Variants in ASH1L observed in about 807,000 individuals in gnomAD.
ASH1L encodes histone-lysine N-methyltransferase ASH1L.
Under a neutral mutation model 269.0 loss-of-function variants are expected in ASH1L, and 23 were observed. That is an observed-to-expected ratio of 0.09 (90% CI 0.06 to 0.12). The LOEUF (loss-of-function observed/expected upper bound fraction) is 0.12. ASH1L is among the 10% of genes least tolerant of loss of function. The pLI is 1.00. For missense variants in ASH1L, 2,912 were observed against 3,567.8 expected (o/e 0.82, Z 4.68); for synonymous variants, 1,187 against 1,253.5 (o/e 0.95, Z 1.12).
chr1:155,492,833 G>C (rs1454669118), intron 2 of ASH1L, among the ~76,000 whole-genome samples: 3 of 150,620 alleles, frequency 2.0e-5, no homozygotes, highest in African/African-American at 7.3e-5. Flanking sequence ...AATTCACCTT[G>C]TTTTTGTTTG....
chr1:155,370,280 A>C, intron 12 of ASH1L: 1 of 567,814 alleles, frequency 1.8e-6, no homozygotes, highest in Non-Finnish European at 3.1e-6. Flanking sequence ...AAACCAAAAA[A>C]GCAAAACAAA....
intron 24 of ASH1L, among the ~76,000 whole-genome samples, chr1:155,342,311 C>T (rs1652889353): frequency 6.6e-6 from 1 of 152,166 alleles, no homozygotes; most frequent in South Asian, 2.1e-4. Context: ...AGTAAATATA[C>T]AGCAGAATGG....
intron 2 of ASH1L, among the ~76,000 whole-genome samples, chr1:155,503,626 T>C (rs1296361514): frequency 6.6e-6 from 1 of 152,202 alleles, no homozygotes; most frequent in East Asian, 1.9e-4. Flanking sequence ...ACTAAAGCAT[T>C]AGTATGCATA....
intron 12 of ASH1L, among the ~76,000 whole-genome samples, chr1:155,360,984 T>C (rs1304891530): frequency 6.6e-6 from 1 of 151,980 alleles, no homozygotes; most frequent in Non-Finnish European, 1.5e-5. Context: ...CTCACGCCTG[T>C]AATCCCAGCA....
At chr1:155,372,224 C>G (rs953453439) in intron 10 of ASH1L, among the ~76,000 whole-genome samples, 4 of 149,836 alleles carry the variant, frequency 2.7e-5, no homozygotes, top group African/African-American at 9.8e-5. Flanking sequence ...ACTCCTGACC[C>G]CAAATGATCC....
At chr1:155,524,521 CAA>C (rs749990170) in intron 1 of ASH1L, among the ~76,000 whole-genome samples, 18 of 57,262 alleles carry the variant, frequency 3.1e-4, no homozygotes, top group Admixed American at 6.2e-4. Context: ...GACTCCGTCT[CAA>C]AAAAAAAAAA....
chr1:155,478,246 G>A lies in ASH1L; in HGVS notation c.4624C>T (p.His1542Tyr), dbSNP rs1426015745. The A allele has an allele frequency of 2.5e-6, 4 of 1,614,040 alleles. No homozygotes were observed. The African/African-American group carries it at 4.0e-5, about 16-fold the overall frequency. Residue 1542 changes from histidine (H) to tyrosine (Y), a missense_variant, in exon 3 of 28, where the codon CAT (histidine) becomes TAT (tyrosine). Physicochemically the swap from His to Tyr is moderately conservative, Grantham distance 83. Coordinates refer to ENST00000392403, the MANE Select transcript of ASH1L (RefSeq NM_018489.3). The surrounding 1 kb of genome is among the most constrained non-coding windows in gnomAD (Gnocchi z 4.6). ...EKHRCHMSCP[H>Y]LSPSKSLINR... ...ATTAAGCTTTTTGAAGGAGAGAGAT[G>A]AGGGCAGGACATGTGACAACGGTGC...
At chr1:155,533,293 C>A (rs1287071430) in intron 1 of ASH1L, among the ~76,000 whole-genome samples, 1 of 151,958 alleles carries the variant, frequency 6.6e-6, no homozygotes. Flanking sequence ...TTAAGGCTCA[C>A]AATCAGCATG....
At chr1:155,464,968 T>C (rs1664567730) in intron 3 of ASH1L, among the ~76,000 whole-genome samples, 1 of 152,080 alleles carries the variant, frequency 6.6e-6, no homozygotes, top group Admixed American at 6.5e-5. Context: ...ATCTTTATAA[T>C]AAACAGAAAA....
At chr1:155,434,292 G>C in intron 5 of ASH1L, 1 of 1,583,898 alleles carries the variant, frequency 6.3e-7, no homozygotes, top group Non-Finnish European at 8.6e-7. Flanking sequence ...ATGGGGGACA[G>C]GGGGAGGGGA....
chr1:155,562,205 G>A lies in ASH1L; in HGVS notation c.-152C>T, dbSNP rs754759314. On this transcript the variant is annotated 5_prime_UTR_variant, in exon 1 of 28. Coordinates refer to ENST00000392403, the MANE Select transcript of ASH1L (RefSeq NM_018489.3). ...GAGCGATGAGAGTGCAGGGAAGTGG[G>A]GAAGAGGGGGTGGCCGCCAGGCTCC... The A allele has an allele frequency of 3.1e-6, 5 of 1,609,062 alleles. No individual in the cohort carries two copies. The South Asian group carries it at 3.3e-5, about 11-fold the overall frequency.
chr1:155,354,493 T>A lies in ASH1L; in HGVS notation c.7193A>T (p.Asp2398Val). Residue 2398 changes from aspartate (D) to valine (V), a missense_variant, in exon 16 of 28, where the codon GAT (aspartate) becomes GTT (valine). Around this residue, in one of 13 missense-constraint regions of ASH1L, gnomAD observed 309 missense variants for 435.1 expected, o/e 0.71. Coordinates refer to ENST00000392403, the MANE Select transcript of ASH1L (RefSeq NM_018489.3). ...LYTRWNGICR[D>V]DGNIKSDVFM... ...CTTACCAGACTTGATATTCCCATCA[T>A]CTCGGCAGATCCCATTCCAACGGGT... 3.1e-6 allele frequency: 5 copies of A among 1,609,212 alleles called. No individual in the cohort carries two copies. Among genetic ancestry groups the A allele is most frequent in the Non-Finnish European group, 4.2e-6 (5 of 1,178,850 alleles).
intron 2 of ASH1L, among the ~76,000 whole-genome samples, 184 bp downstream of exon 2, chr1:155,520,916 A>G (rs1668844766): frequency 6.6e-6 from 1 of 152,252 alleles, no homozygotes; most frequent in Admixed American, 6.5e-5. Flanking sequence ...AAATACATAC[A>G]TGGTTATGCT....
At chr1:155,510,830 A>T (rs1668115583) in intron 2 of ASH1L, among the ~76,000 whole-genome samples, 1 of 152,136 alleles carries the variant, frequency 6.6e-6, no homozygotes, top group Admixed American at 6.6e-5. Context: ...TTTTTTAACT[A>T]AAATAGGCTG....
chr1:155,465,289 C>CAAAAAAAAAAAAAAAAAAAA (rs1171228344), intron 3 of ASH1L, among the ~76,000 whole-genome samples: 5 of 62,576 alleles, frequency 8.0e-5, no homozygotes, highest in African/African-American at 1.2e-4. Context: ...TACAAATTAG[C>CAAAAAAAAAAAAAAAAAAAA]AAAAAAAAAA....
chr1:155,555,141 CAAA>C (rs546459143), intron 1 of ASH1L, among the ~76,000 whole-genome samples: 5 of 94,104 alleles, frequency 5.3e-5, no homozygotes, highest in Admixed American at 1.3e-4. Context: ...GAAACCGTCT[CAAA>C]AAAAAAAAAA....
intron 6 of ASH1L, among the ~76,000 whole-genome samples, chr1:155,408,868 C>T (rs1659527757): frequency 6.6e-6 from 1 of 151,208 alleles, no homozygotes; most frequent in Non-Finnish European, 1.5e-5. Context: ...ACAAACAAAA[C>T]CACCCAAACA....
intron 1 of ASH1L, among the ~76,000 whole-genome samples, chr1:155,538,475 A>T (rs1247131716): frequency 6.6e-6 from 1 of 152,006 alleles, no homozygotes; most frequent in East Asian, 1.9e-4. Flanking sequence ...CTCCTGCCTC[A>T]GCCTCCCGAG....
At chr1:155,359,946 G>A (rs1053434415) in intron 13 of ASH1L, among the ~76,000 whole-genome samples, 27 of 151,716 alleles carry the variant, frequency 1.8e-4, no homozygotes, top group African/African-American at 2.9e-4. Context: ...GGAGCACAGT[G>A]GTGCAATCTC....
Sources: allele counts gnomAD v4.1 joint callset (sites outside exome capture counted in the v4.1 genomes callset), GRCh38; gene constraint gnomAD v4.1.1; regional missense constraint gnomAD v4.1.1; non-coding constraint Gnocchi (gnomAD v3.1); transcripts MANE v1.5; gene names NCBI Gene and HGNC (gene_info 2026-07-23, HGNC 2026-07-21).